TJP1: variants seen among roughly 807,000 people sequenced by gnomAD.
TJP1 encodes tight junction protein 1, also known as tight junction protein ZO-1.
A neutral mutation model predicts 194.2 loss-of-function variants in TJP1; 43 were observed. The ratio of observed to expected loss-of-function variants is 0.22; its 90% CI spans 0.17 to 0.29. The LOEUF (loss-of-function observed/expected upper bound fraction) is 0.29. TJP1 is among the 10% of genes least tolerant of loss of function. TJP1 has a pLI of 1.00. For missense variants in TJP1, 1,971 were observed against 2,185.7 expected, an observed-to-expected ratio of 0.90 and a Z score of 1.96; for synonymous variants, 801 against 779.0, an observed-to-expected ratio of 1.03 and a Z score of -0.47.
At chr15:29,871,927 C>A (rs757587627) in intron 2 of TJP1, among the ~76,000 whole-genome samples, 1 of 152,230 alleles carries the variant, frequency 6.6e-6, no homozygotes, top group Non-Finnish European at 1.5e-5. Context: ...TACAGAGCGC[C>A]TATGCCTCTT....
At position 29,716,767 on chromosome 15, in the gene TJP1, T is replaced by G. The variant is rs1320831591; in HGVS notation, c.4046A>C (p.Glu1349Ala). 6.2e-7 allele frequency: 1 copy of G among 1,614,160 alleles called. No individual in the cohort carries two copies. The change falls in exon 23 of 28, where the codon GAA becomes GCA. Residue 1349 changes from glutamate to alanine, a missense_variant. This residue lies in a region of TJP1 where 1,108 missense variants were observed against 1,128.5 expected (regional missense o/e 0.98). Coordinates refer to ENST00000614355, the MANE Select transcript of TJP1 (RefSeq NM_001330239.4). ...TTTTCGATAATATTCTTCATCTTCT[T>G]CAGGGTCATAATGATTGGACCGAAC... ...DIVRSNHYDP[E>A]EDEEYYRKQL... is the part of the protein sequence containing the mutation.
rs184274155 is a variant in TJP1 at position 29,704,819 on chromosome 15, G to A, written c.5069-514C>T. Among the ~76,000 whole-genome samples, 980 of 152,242 alleles carry A rather than the reference G, an allele frequency of 6.4e-3. 6 individuals are homozygous for A. Among genetic ancestry groups the A allele is most frequent in the Non-Finnish European group, 0.011 (741 of 68,020 alleles). ...TAGGTGGTTAAAGAGATTCATGCAG[G>A]GCCAACACAGTCAGTCCTACTGGTT... is the stretch of plus-strand genomic sequence containing the variant. On this transcript the variant is annotated intron_variant, in intron 26 of 27. Transcript: ENST00000614355.
chr15:29,916,597 T>C (rs925429354), intron 2 of TJP1, among the ~76,000 whole-genome samples: 3 of 152,164 alleles, frequency 2.0e-5, no homozygotes, highest in East Asian at 1.9e-4. Context: ...TACGCAAACG[T>C]TGTTGCACAA....
At chr15:29,865,258 C>T (rs183236630) in intron 2 of TJP1, among the ~76,000 whole-genome samples, 119 of 152,244 alleles carry the variant, frequency 7.8e-4, no homozygotes, top group African/African-American at 2.7e-3. Flanking sequence ...GCAAATGCCA[C>T]GAAGATATTA....
At chr15:29,946,235 G>A (rs990626735) in intron 2 of TJP1, among the ~76,000 whole-genome samples, 2 of 152,192 alleles carry the variant, frequency 1.3e-5, no homozygotes, top group Non-Finnish European at 2.9e-5. Flanking sequence ...ACAGTGGAAT[G>A]CCAACTAATA....
rs1021782835 is a variant in TJP1, at chr15:29,762,242, G to A, written c.693+93C>T. On this transcript the variant is annotated intron_variant, in intron 6 of 27. Transcript: ENST00000614355. ...AAACACTGATTTTTAATTCTCTTTG[G>A]CAAAACTGCTTCAAACAAGAGCACA... The A allele has an allele frequency of 2.9e-6, 3 of 1,028,958 alleles. No homozygotes were observed. The East Asian group carries it at 7.5e-5, about 26-fold the overall frequency. 63.7% of individuals were successfully genotyped at this position (1,028,958 alleles called of 1,614,324 possible). A position where few individuals can be genotyped will look rare whatever the true frequency, so the allele number is the denominator to read the frequency against.
intron 6 of TJP1, 35 bp downstream of exon 6, chr15:29,762,300 T>C: frequency 6.5e-7 from 1 of 1,544,858 alleles, no homozygotes. Context: ...TTGTTTTCTA[T>C]TTCAGTTCAT....
At chr15:29,710,017 G>A (rs2042138261) in intron 24 of TJP1, among the ~76,000 whole-genome samples, 1 of 152,092 alleles carries the variant, frequency 6.6e-6, no homozygotes, top group Non-Finnish European at 1.5e-5. Flanking sequence ...GTGGTGGTGT[G>A]CGCCTATAGT....
At chr15:29,838,023 T>A (rs1349538819) in intron 2 of TJP1, among the ~76,000 whole-genome samples, 1 of 152,242 alleles carries the variant, frequency 6.6e-6, no homozygotes, top group Non-Finnish European at 1.5e-5. Context: ...AAAATGTCCA[T>A]CCCTTTGTTA....
chr15:29,713,122 T>C (rs2042341990), intron 23 of TJP1, among the ~76,000 whole-genome samples: 1 of 152,208 alleles, frequency 6.6e-6, no homozygotes, highest in South Asian at 2.1e-4. Flanking sequence ...CTCTCACATT[T>C]AGTTCTTTAA....
intron 2 of TJP1, among the ~76,000 whole-genome samples, chr15:29,952,708 G>A (rs1384855267): frequency 6.6e-6 from 1 of 152,132 alleles, no homozygotes; most frequent in Non-Finnish European, 1.5e-5. Context: ...ATGTATATAT[G>A]CCAGGAGATT....
At chr15:29,937,068 T>C (rs1442596791) in intron 2 of TJP1, among the ~76,000 whole-genome samples, 1 of 152,246 alleles carries the variant, frequency 6.6e-6, no homozygotes, top group African/African-American at 2.4e-5. Context: ...GTTATGAAAT[T>C]TATAAGTTCT....
In TJP1 at chr15:29,701,601, G is replaced by C. The variant is rs998400917; in HGVS notation, c.5301C>G (p.His1767Gln). Residue 1767 changes from histidine to glutamine, a missense_variant, in exon 28 of 28, where the codon CAC (histidine) becomes CAG (glutamine). Transcript: ENST00000614355. ...GANCVSVLID[H>Q]F The stretch of plus-strand genomic sequence containing the variant: ...AGTTCCTATATTTCAAGAGTTAAAA[G>C]TGGTCAATAAGGACAGAAACACAGT... 3 of 1,612,766 alleles carry C rather than the reference G, an allele frequency of 1.9e-6. No individual in the cohort carries two copies. The highest frequency in any genetic ancestry group is 2.5e-6 in the Non-Finnish European group (3 of 1,178,844).
At position 29,851,777 on chromosome 15, in the gene TJP1, C is replaced by A. The variant is rs572962583; in HGVS notation, c.307-51075G>T. ...AGATCAGTGGAACCCAGAAATAATC[C>A]TATGCAAATATGCCTGGGAGCCAGG... On this transcript the variant is annotated intron_variant, in intron 2 of 28. Transcript: ENST00000356107. Among the ~76,000 whole-genome samples, 86 of 152,318 alleles carry A rather than the reference C, an allele frequency of 5.6e-4. 2 individuals are homozygous for A. The highest frequency in any genetic ancestry group is 2.1e-3 in the African/African-American group (86 of 41,574).
In TJP1 at chr15:29,741,381, A is replaced by G. The variant is rs1185528093; in HGVS notation, c.1206T>C (p.Ser402=). ...AATTAGGTAGGACACCATCAGATGG[A>G]CTGACAGGTAAATCCACATCTGGTT... is the stretch of plus-strand genomic sequence containing the variant. ...VGQPDVDLPV[S]PSDGVLPNST... is the part of the protein sequence containing the mutation. Residue 402 remains serine, a synonymous_variant, in exon 10 of 28, where the codon AGT becomes AGC. Coordinates refer to ENST00000614355, the MANE Select transcript of TJP1 (RefSeq NM_001330239.4). The G allele has an allele frequency of 2.5e-6, 4 of 1,600,770 alleles. No individual in the cohort carries two copies. The African/African-American group carries it at 5.4e-5, about 22-fold the overall frequency.
rs2043275794 is a variant in TJP1 at position 29,726,907 on chromosome 15, T to G, written c.2185A>C (p.Asn729His). Residue 729 changes from asparagine to histidine, a missense_variant, in exon 17 of 28, where the codon AAC (asparagine) becomes CAC (histidine). Around this residue, in one of 5 missense-constraint regions of TJP1, gnomAD observed 402 missense variants for 484.2 expected, o/e 0.83. Coordinates refer to ENST00000614355, the MANE Select transcript of TJP1 (RefSeq NM_001330239.4). ...AQWYPIVVFL[N>H]PDSKQGVKTM... is the part of the protein sequence containing the mutation. Reference sequence around the variant, plus strand: ...TTTACTCCTTGCTTAGAATCAGGGTTAAGAAATACAACAATTGGATACCAC... The same window carrying G: ...TTTACTCCTTGCTTAGAATCAGGGTGAAGAAATACAACAATTGGATACCAC... 16 of 1,614,098 alleles carry G rather than the reference T, an allele frequency of 9.9e-6. No homozygotes were observed. The highest frequency in any genetic ancestry group is 2.7e-5 in the African/African-American group (2 of 74,946).
chr15:29,917,501 G>A (rs1472144436), intron 2 of TJP1, among the ~76,000 whole-genome samples: 1 of 152,204 alleles, frequency 6.6e-6, no homozygotes, highest in Non-Finnish European at 1.5e-5. Flanking sequence ...CTTTTCAGAA[G>A]ATGGAAAATG....
In TJP1 at chr15:29,785,256, G is replaced by A. The variant is rs532863083; in HGVS notation, c.85-11899C>T. ...ATAACTTCTGTGTTTATATGTCTACGCCTGGCTAGACAACTGAATTTATGT... is the reference window on the plus strand; with the variant it reads ...ATAACTTCTGTGTTTATATGTCTACACCTGGCTAGACAACTGAATTTATGT... On this transcript the variant is annotated intron_variant, in intron 2 of 27. Coordinates refer to ENST00000614355, the MANE Select transcript of TJP1 (RefSeq NM_001330239.4). Among the ~76,000 whole-genome samples, 14 of 152,200 alleles carry A rather than the reference G, an allele frequency of 9.2e-5. No homozygotes were observed. In the East Asian group the frequency reaches 9.6e-4, roughly 10 times the overall value.
intron 2 of TJP1, among the ~76,000 whole-genome samples, chr15:29,912,383 T>C (rs2054042179): frequency 6.6e-6 from 1 of 152,160 alleles, no homozygotes; most frequent in African/African-American, 2.4e-5. Context: ...ATTATGTTAA[T>C]TGTAGTGAAA....
Sources: allele counts gnomAD v4.1 joint callset (sites outside exome capture counted in the v4.1 genomes callset), GRCh38; gene constraint gnomAD v4.1.1; regional missense constraint gnomAD v4.1.1; transcripts MANE v1.5; gene names NCBI Gene and HGNC (gene_info 2026-07-23, HGNC 2026-07-21).